LNX1: variants seen among roughly 807,000 people sequenced by gnomAD.
LNX1 encodes ligand of numb-protein X 1.
LNX1 carries 54 observed loss-of-function variants against 68.4 expected under a neutral mutation model. That is an observed-to-expected ratio of 0.79 (90% CI 0.63 to 0.99). The LOEUF (loss-of-function observed/expected upper bound fraction) is 0.99. Ranked by LOEUF, LNX1 falls within the 50% of genes least tolerant of loss-of-function variation. The probability of loss-of-function intolerance (pLI) is 0.00; values close to 1 mark genes in which losing one functional copy is unlikely to be tolerated. For missense variants in LNX1, 906 were observed against 926.4 expected (o/e 0.98, Z 0.29); for synonymous variants, 336 against 350.0 (o/e 0.96, Z 0.45).
intron 2 of LNX1, among the ~76,000 whole-genome samples, chr4:53,511,504 AC>A (rs1726336782): frequency 6.6e-6 from 1 of 152,032 alleles, no homozygotes; most frequent in Admixed American, 6.5e-5. Context: ...AACACAGAAA[AC>A]CCCTTTTCAA....
At chr4:53,462,243 A>G (rs2150551764) in intron 9 of LNX1, among the ~76,000 whole-genome samples, 1 of 152,230 alleles carries the variant, frequency 6.6e-6, no homozygotes, top group African/African-American at 2.4e-5. Flanking sequence ...GGGAGAAGGA[A>G]AGGCCCAGCT....
intron 2 of LNX1, among the ~76,000 whole-genome samples, chr4:53,571,364 G>T (rs1208808580): frequency 6.6e-6 from 1 of 152,016 alleles, no homozygotes; most frequent in African/African-American, 2.4e-5. Context: ...GATTATCCAG[G>T]TGGGCCCAAG....
chr4:53,538,569 C>T (rs972925915), intron 2 of LNX1, among the ~76,000 whole-genome samples: 3 of 152,196 alleles, frequency 2.0e-5, no homozygotes, highest in Non-Finnish European at 1.5e-5. Flanking sequence ...TAGGAAAAGT[C>T]AGAGTCAATC....
chr4:53,636,821 C>T (rs1346889492), intron 1 of LNX1, among the ~76,000 whole-genome samples: 4 of 151,992 alleles, frequency 2.6e-5, no homozygotes, highest in Non-Finnish European at 4.4e-5. Flanking sequence ...GATTCATATT[C>T]TCCCTTTACA....
At chr4:53,562,213 T>C (rs1484692119) in intron 2 of LNX1, among the ~76,000 whole-genome samples, 2 of 152,172 alleles carry the variant, frequency 1.3e-5, no homozygotes, top group Non-Finnish European at 2.9e-5. Flanking sequence ...ACCTTCTCAT[T>C]GAAAGTCTGG....
At chr4:53,619,975 T>G (rs1733809293), upstream of LNX1, among the ~76,000 whole-genome samples, 1 of 152,176 alleles carries the variant, frequency 6.6e-6, no homozygotes, top group African/African-American at 2.4e-5. Context: ...ATTACAAAAA[T>G]GCAACAGCAG....
intron 2 of LNX1, among the ~76,000 whole-genome samples, chr4:53,534,272 T>C (rs1339970309): frequency 1.3e-5 from 2 of 152,268 alleles, no homozygotes; most frequent in Admixed American, 6.5e-5. Flanking sequence ...CTGTGAATCC[T>C]CTTCTCAAGG....
At chr4:53,565,546 G>GA (rs1489742213) in intron 2 of LNX1, among the ~76,000 whole-genome samples, 4 of 151,718 alleles carry the variant, frequency 2.6e-5, no homozygotes, top group Admixed American at 6.6e-5. Context: ...CAAAGATGGG[G>GA]AAAAAACAGA....
chr4:53,495,730 G>C (rs1008213092), intron 6 of LNX1, among the ~76,000 whole-genome samples: 2 of 152,110 alleles, frequency 1.3e-5, no homozygotes, highest in Non-Finnish European at 2.9e-5. Context: ...TTTTAGTAGA[G>C]ATGGGGTTTC....
chr4:53,580,429 A>G (rs1731761762), intron 1 of LNX1, among the ~76,000 whole-genome samples: 1 of 152,156 alleles, frequency 6.6e-6, no homozygotes, highest in African/African-American at 2.4e-5. Flanking sequence ...CCAAAACTCC[A>G]TGCCAGAGTG....
chr4:53,636,179 CTTTTTTTTTTTTT>C (rs11440722), intron 1 of LNX1, among the ~76,000 whole-genome samples: 1 of 85,226 alleles, frequency 1.2e-5, no homozygotes, highest in African/African-American at 4.7e-5. Context: ...TCTATTACTC[CTTTTTTTTTTTTT>C]TTTTTTTTTT....
intron 2 of LNX1, among the ~76,000 whole-genome samples, chr4:53,547,372 GGT>G (rs1227772039): frequency 1.8e-4 from 28 of 152,268 alleles, no homozygotes; most frequent in Admixed American, 5.2e-4. Flanking sequence ...CAGCCTGTGA[GGT>G]AAGTGTTATT....
chr4:53,562,126 T>C (rs769820442), intron 2 of LNX1, among the ~76,000 whole-genome samples: 2 of 152,190 alleles, frequency 1.3e-5, no homozygotes, highest in Non-Finnish European at 2.9e-5. Context: ...GATGATGAGA[T>C]TACAAAATGG....
At chr4:53,626,597 A>C (rs2109866589) in intron 1 of LNX1, among the ~76,000 whole-genome samples, 1 of 152,344 alleles carries the variant, frequency 6.6e-6, no homozygotes, top group Admixed American at 6.5e-5. Context: ...AGGGCATCAG[A>C]AGCCTTATGA....
At chr4:53,617,953 A>G (rs1733739732), upstream of LNX1, among the ~76,000 whole-genome samples, 1 of 152,188 alleles carries the variant, frequency 6.6e-6, no homozygotes, top group African/African-American at 2.4e-5. Flanking sequence ...ATATCTATAT[A>G]TTAACAATTA....
chr4:53,484,424 G>T (rs150298229), intron 6 of LNX1, among the ~76,000 whole-genome samples: 2,611 of 152,126 alleles, frequency 0.017, 79 homozygotes, highest in African/African-American at 0.06. Flanking sequence ...TCAGCCAGTC[G>T]TGGTGGCAGG....
intron 2 of LNX1, among the ~76,000 whole-genome samples, chr4:53,561,905 G>A (rs1220907486): frequency 2.6e-5 from 4 of 151,416 alleles, no homozygotes; most frequent in African/African-American, 4.9e-5. Context: ...AAACCTGAAC[G>A]TTCTGTACGT....
At chr4:53,522,046 C>T (rs4864784) in intron 2 of LNX1, among the ~76,000 whole-genome samples, 30,394 of 152,108 alleles carry the variant, frequency 0.2, 3,276 homozygotes, top group East Asian at 0.32. Flanking sequence ...CCTTCCATCT[C>T]GATCTCCCAA....
intron 9 of LNX1, among the ~76,000 whole-genome samples, chr4:53,471,228 C>G (rs1723153508): frequency 6.6e-6 from 1 of 151,922 alleles, no homozygotes; most frequent in Middle Eastern, 3.4e-3. Flanking sequence ...CTGACAAAAA[C>G]AAGCAATGGG....
Sources: gnomAD v4.1 joint callset for allele counts (sites outside exome capture counted in the v4.1 genomes callset) on GRCh38, gnomAD v4.1.1 for gene constraint, MANE v1.5 for transcripts, NCBI Gene and HGNC (gene_info 2026-07-23, HGNC 2026-07-21) for gene names.